KLHL14: variants seen among roughly 807,000 people sequenced by gnomAD.
KLHL14 encodes kelch like family member 14.
A neutral mutation model predicts 64.3 loss-of-function variants in KLHL14; 22 were observed. The ratio of observed to expected loss-of-function variants is 0.34; its 90% CI spans 0.24 to 0.49. The LOEUF (loss-of-function observed/expected upper bound fraction) is 0.49, where lower values mean the gene tolerates loss of function less well. KLHL14 is among the 20% of genes least tolerant of loss of function. KLHL14 has a pLI of 0.99. For synonymous variants in KLHL14, 322 were observed against 333.4 expected (o/e 0.97, Z 0.37); for missense variants, 661 against 789.0 (o/e 0.84, Z 1.94).
At chr18:32,702,742 G>GT (rs35280803) in intron 3 of KLHL14, among the ~76,000 whole-genome samples, 32,715 of 152,024 alleles carry the variant, frequency 0.22, 3,995 homozygotes, top group Non-Finnish European at 0.28. Context: ...CTCTGTAAGA[G>GT]TTTTTATGGT....
At position 32,680,378 on chromosome 18, in the gene KLHL14, C is replaced by T. The variant is rs1349779565; in HGVS notation, c.1429+31G>A. ...GTCAAGAGAGTGCTTTGGAACTGAA[C>T]TTTGTAACAGAAAGTGGAGGAATTA... On this transcript the variant is annotated intron_variant, in intron 6 of 8. Transcript: ENST00000359358. The surrounding 1 kb of genome is among the most constrained non-coding windows in gnomAD (Gnocchi z 4.8). The T allele has an allele frequency of 1.2e-6, 2 of 1,613,640 alleles. No individual in the cohort carries two copies. The highest frequency in any genetic ancestry group is 1.7e-6 in the Non-Finnish European group (2 of 1,179,674).
chr18:32,680,603 CA>C lies in KLHL14; in HGVS notation c.1239-5del, dbSNP rs765373659. The C allele has an allele frequency of 1.2e-6, 2 of 1,600,510 alleles. No homozygotes were observed. Among genetic ancestry groups the C allele is most frequent in the East Asian group, 4.5e-5 (2 of 44,138 alleles). ...ACATGCATAGAAACTGGCTCTTCTACAATGAAAAGAACCCACAGTAAATCAC... is the reference window on the plus strand; with the variant it reads ...ACATGCATAGAAACTGGCTCTTCTACATGAAAAGAACCCACAGTAAATCAC... On this transcript the variant is annotated splice_region_variant and splice_polypyrimidine_tract_variant and intron_variant, in intron 5 of 8. Coordinates refer to ENST00000359358, the MANE Select transcript of KLHL14 (RefSeq NM_020805.3). The surrounding 1 kb of genome is among the most constrained non-coding windows in gnomAD (Gnocchi z 4.8).
chr18:32,678,841 A>G (rs2049823934), intron 7 of KLHL14, among the ~76,000 whole-genome samples: 1 of 152,170 alleles, frequency 6.6e-6, no homozygotes. Context: ...ATGTGTGCAC[A>G]CTATTTCTCA....
In KLHL14 at chr18:32,680,364, G is replaced by C; in HGVS notation, c.1430-37C>G. 6.2e-7 allele frequency: 1 copy of C among 1,613,542 alleles called. No homozygotes were observed. The highest frequency in any genetic ancestry group is 8.5e-7 in the Non-Finnish European group (1 of 1,179,568). ...ACATAGACATACAAGTCAAGAGAGT[G>C]CTTTGGAACTGAACTTTGTAACAGA... On this transcript the variant is annotated intron_variant, in intron 6 of 8. Coordinates refer to ENST00000359358, the MANE Select transcript of KLHL14 (RefSeq NM_020805.3). The surrounding 1 kb of genome is among the most constrained non-coding windows in gnomAD (Gnocchi z 4.8).
At position 32,683,281 on chromosome 18, in the gene KLHL14, T is replaced by A. The variant is rs1005362670; in HGVS notation, c.1239-2682A>T. Among the ~76,000 whole-genome samples, 1 of 152,144 alleles carries A rather than the reference T, an allele frequency of 6.6e-6. No individual in the cohort carries two copies. Among genetic ancestry groups the A allele is most frequent in the Non-Finnish European group, 1.5e-5 (1 of 68,018 alleles). On this transcript the variant is annotated intron_variant, in intron 5 of 8. Transcript: ENST00000359358. This position sits in a 1 kb window ranked among gnomAD's most constrained non-coding sequence, Gnocchi z 4.2. ...CTGTTAGGATCTAAATGGGAAAAAA[T>A]CAGCAGATTTCACTTCCTGATGACA... is the stretch of plus-strand genomic sequence containing the variant.
intron 2 of KLHL14, among the ~76,000 whole-genome samples, chr18:32,751,952 C>A (rs1284319764): frequency 6.6e-6 from 1 of 152,122 alleles, no homozygotes; most frequent in African/African-American, 2.4e-5. Context: ...CATGGTGAAA[C>A]CCCATCTCTA....
chr18:32,747,894 T>G (rs2050231641), intron 2 of KLHL14, among the ~76,000 whole-genome samples: 1 of 152,222 alleles, frequency 6.6e-6, no homozygotes, highest in African/African-American at 2.4e-5. Flanking sequence ...TGCGTGACTA[T>G]TTTTTAACAT....
In KLHL14 at chr18:32,734,390, T is replaced by C. The variant is rs747036141; in HGVS notation, c.1069+7538A>G. The C allele has an allele frequency of 3.2e-5, 20 of 621,394 alleles. No individual in the cohort carries two copies. In the Middle Eastern group the frequency reaches 1.1e-3, roughly 34 times the overall value. The allele number at this position is 621,394 out of a possible 1,614,324, so 38.5% of individuals were successfully genotyped here. On this transcript the variant is annotated intron_variant, in intron 3 of 8. Transcript: ENST00000359358. ...TCCCTGAATGACTCTGTGGAGCAGA[T>C]GCCCTCTATCAACCTGTGTTGGACA...
At chr18:32,740,639 G>T (rs911466470) in intron 3 of KLHL14, among the ~76,000 whole-genome samples, 1 of 152,076 alleles carries the variant, frequency 6.6e-6, no homozygotes, top group Non-Finnish European at 1.5e-5. Context: ...ATTCAGCTTG[G>T]CCACTCACTC....
At chr18:32,702,917 G>T (rs1397753102) in intron 3 of KLHL14, among the ~76,000 whole-genome samples, 1 of 152,098 alleles carries the variant, frequency 6.6e-6, no homozygotes, top group Non-Finnish European at 1.5e-5. Flanking sequence ...AAAAAAAAGT[G>T]CACATTTAGG....
At chr18:32,689,986 C>T (rs2049898952) in intron 4 of KLHL14, among the ~76,000 whole-genome samples, 1 of 152,026 alleles carries the variant, frequency 6.6e-6, no homozygotes, top group Non-Finnish European at 1.5e-5. Flanking sequence ...GCCAGCTTGG[C>T]TGTGTGGTTT....
Position 32,769,856 on chromosome 18 carries a change from G to C in KLHL14, c.736C>G (p.Leu246Val), listed in dbSNP as rs755029739. ...ATGCGGGTCTCGCGGTCGTGCTCCA[G>C]CCACAGCACGGACATCTGGAAGAGC... The part of the protein sequence containing the change: ...LALFQMSVLW[L>V]EHDRETRMQY... The change falls in exon 2 of 9, where the codon CTG becomes GTG. Residue 246 changes from leucine to valine, a missense_variant. Transcript: ENST00000359358. The C allele has an allele frequency of 9.3e-6, 15 of 1,613,850 alleles. No homozygotes were observed. In the African/African-American group the frequency reaches 1.3e-4, roughly 14 times the overall value.
intron 7 of KLHL14, among the ~76,000 whole-genome samples, chr18:32,679,719 C>A (rs1359701876): frequency 6.6e-6 from 1 of 151,894 alleles, no homozygotes; most frequent in African/African-American, 2.4e-5. Flanking sequence ...AATTTAGACA[C>A]AAATATCTGG....
intron 3 of KLHL14, among the ~76,000 whole-genome samples, chr18:32,727,066 A>C (rs144275068): frequency 2.0e-5 from 3 of 152,228 alleles, no homozygotes; most frequent in African/African-American, 7.2e-5. Context: ...AGGGGAGTGA[A>C]CTCCCAACCT....
At chr18:32,695,417 C>G in intron 4 of KLHL14, 46 bp downstream of exon 4, 1 of 1,160,664 alleles carries the variant, frequency 8.6e-7, no homozygotes, top group South Asian at 1.2e-5. Context: ...CCCTTCATTA[C>G]ACACATACTT....
chr18:32,716,377 A>C (rs1329102537), intron 3 of KLHL14, among the ~76,000 whole-genome samples: 2 of 152,080 alleles, frequency 1.3e-5, no homozygotes, highest in African/African-American at 2.4e-5. Context: ...AGAATGATGA[A>C]AGTTAAAATT....
At position 32,772,266 on chromosome 18, in the gene KLHL14, T is replaced by C. The variant is rs755901731; in HGVS notation, c.-44+401A>G. Reference sequence around the variant, plus strand: ...TATACCGGACTGGGCTCCTTTCGACTCACTTTACCATCCCGTTCCAGGTGG... The same window carrying C: ...TATACCGGACTGGGCTCCTTTCGACCCACTTTACCATCCCGTTCCAGGTGG... On this transcript the variant is annotated intron_variant, in intron 1 of 8. Transcript: ENST00000359358. The C allele has an allele frequency of 1.5e-4, 59 of 391,110 alleles. No homozygotes were observed. The East Asian group carries it at 5.7e-3, about 38-fold the overall frequency. The allele number at this position is 391,110 out of a possible 1,614,324, so 24.2% of individuals were successfully genotyped here. A position where few individuals can be genotyped will look rare whatever the true frequency, so the allele number is the denominator to read the frequency against.
At chr18:32,732,473 G>T (rs2050141617) in intron 3 of KLHL14, among the ~76,000 whole-genome samples, 2 of 152,210 alleles carry the variant, frequency 1.3e-5, no homozygotes, top group South Asian at 4.1e-4. Context: ...TCCACCTTCT[G>T]AGATCTTGGG....
At chr18:32,769,531 C>A in intron 2 of KLHL14, 114 bp downstream of exon 2, 1 of 961,870 alleles carries the variant, frequency 1.0e-6, no homozygotes, top group South Asian at 2.0e-5. Flanking sequence ...TTCATCCTGC[C>A]AGAGCCACCC....
Sources: gnomAD v4.1 joint callset for allele counts (sites outside exome capture counted in the v4.1 genomes callset) on GRCh38, gnomAD v4.1.1 for gene constraint, Gnocchi (gnomAD v3.1) non-coding constraint, MANE v1.5 for transcripts, NCBI Gene and HGNC (gene_info 2026-07-23, HGNC 2026-07-21) for gene names.